The following UNC13C variants were observed in gnomAD, a reference collection of about 807,000 sequenced individuals.
The protein encoded by UNC13C is unc-13 homolog C, also known as protein unc-13 homolog C.
UNC13C carries 174 observed loss-of-function variants against 245.4 expected under a neutral mutation model. The observed-to-expected ratio is 0.71, with a 90% CI of 0.63 to 0.80. The LOEUF is 0.80. UNC13C is among the 30% of genes least tolerant of loss of function. UNC13C has a pLI of 0.00. For synonymous variants in UNC13C, 992 were observed against 895.1 expected (o/e 1.11, Z -1.93); for missense variants, 2,829 against 2,602.9 (o/e 1.09, Z -1.89).
intron 2 of UNC13C, among the ~76,000 whole-genome samples, chr15:54,057,506 A>G (rs1368776765): frequency 6.6e-6 from 1 of 151,798 alleles, no homozygotes; most frequent in Non-Finnish European, 1.5e-5. Context: ...CCACACAATA[A>G]TAATGGGAGA....
the UNC13C span, among the ~76,000 whole-genome samples, chr15:53,944,616 T>C: frequency 5.3e-5 from 8 of 152,226 alleles, no homozygotes; most frequent in Non-Finnish European, 1.2e-4. Context: ...CTGTATAGTA[T>C]ATATGTACCA....
chr15:54,530,694 G>A (rs1895696711), intron 25 of UNC13C, among the ~76,000 whole-genome samples: 1 of 152,120 alleles, frequency 6.6e-6, no homozygotes, highest in Non-Finnish European at 1.5e-5. Context: ...AGAGAGCCAT[G>A]AGAATTTCCT....
chr15:54,391,089 T>C (rs2140913731), intron 17 of UNC13C, among the ~76,000 whole-genome samples: 1 of 152,246 alleles, frequency 6.6e-6, no homozygotes, highest in African/African-American at 2.4e-5. Context: ...TTTCAACTAC[T>C]TCTGTCTCTC....
At chr15:54,128,432 T>C (rs898517345) in intron 2 of UNC13C, among the ~76,000 whole-genome samples, 1 of 152,230 alleles carries the variant, frequency 6.6e-6, no homozygotes, top group Non-Finnish European at 1.5e-5. Context: ...AAGTGTTTTG[T>C]TTTAGCGGCA....
chr15:54,622,190 A>G, intron 30 of UNC13C, 137 bp from the exon 31 acceptor site: 1 of 607,730 alleles, frequency 1.6e-6, no homozygotes, highest in Non-Finnish European at 3.0e-6. Flanking sequence ...AATATTTATC[A>G]TCACCTATTA....
At chr15:54,574,658 A>T (rs902872493) in intron 30 of UNC13C, among the ~76,000 whole-genome samples, 1 of 152,194 alleles carries the variant, frequency 6.6e-6, no homozygotes, top group Non-Finnish European at 1.5e-5. Context: ...TTTTATATAG[A>T]AGTTACAACA....
At chr15:53,925,625 A>G in the UNC13C span, among the ~76,000 whole-genome samples, 1 of 152,184 alleles carries the variant, frequency 6.6e-6, no homozygotes, top group African/African-American at 2.4e-5. Context: ...TCTTTTGTTT[A>G]CATTTTAAAG....
the UNC13C span, among the ~76,000 whole-genome samples, chr15:53,965,450 C>A: frequency 6.6e-6 from 1 of 151,912 alleles, no homozygotes; most frequent in Admixed American, 6.6e-5. Flanking sequence ...AATTATCTCA[C>A]AAAGAGCTCT....
At chr15:53,854,269 C>T in the UNC13C span, among the ~76,000 whole-genome samples, 1 of 151,820 alleles carries the variant, frequency 6.6e-6, no homozygotes, top group African/African-American at 2.4e-5. Flanking sequence ...TACAGGCACA[C>T]ACCACCATGC....
intron 17 of UNC13C, among the ~76,000 whole-genome samples, chr15:54,365,505 CAT>C (rs2039343950): frequency 6.6e-6 from 1 of 152,128 alleles, no homozygotes; most frequent in Non-Finnish European, 1.5e-5. Context: ...AGGCCATAAA[CAT>C]ATCTATCACC....
intron 2 of UNC13C, among the ~76,000 whole-genome samples, chr15:54,088,354 C>A (rs8035103): frequency 1.2e-4 from 18 of 151,910 alleles, no homozygotes; most frequent in African/African-American, 4.4e-4. Flanking sequence ...TCAGTCTTGG[C>A]CTCTTAGGAA....
intron 13 of UNC13C, among the ~76,000 whole-genome samples, chr15:54,317,397 A>G (rs1380568790): frequency 1.3e-5 from 2 of 151,926 alleles, no homozygotes; most frequent in African/African-American, 4.8e-5. Flanking sequence ...TGATCATGAA[A>G]CACTGCTCTG....
chr15:53,910,445 T>A, the UNC13C span, among the ~76,000 whole-genome samples: 1 of 146,472 alleles, frequency 6.8e-6, no homozygotes, highest in Admixed American at 7.0e-5. Flanking sequence ...GAGCCACTAT[T>A]GCTGTAAAAG....
intron 30 of UNC13C, among the ~76,000 whole-genome samples, chr15:54,589,228 A>T (rs1399803826): frequency 6.8e-6 from 1 of 148,088 alleles, no homozygotes; most frequent in African/African-American, 2.5e-5. Context: ...TTCGTTGATC[A>T]TTAGTAATGT....
the UNC13C span, among the ~76,000 whole-genome samples, chr15:53,852,209 C>T: frequency 1.3e-3 from 200 of 152,242 alleles, no homozygotes; most frequent in Non-Finnish European, 2.5e-3. Context: ...TGGGGTCTGA[C>T]GCTTGGTGTG....
At position 54,393,173 on chromosome 15, in the gene UNC13C, C is replaced by T; in HGVS notation, c.4839C>T (p.Val1613=). Residue 1613 remains valine, a synonymous_variant, in exon 18 of 33, where the codon GTC becomes GTT. Coordinates refer to ENST00000260323, the MANE Select transcript of UNC13C (RefSeq NM_001080534.3). ...IDEDKTAYTP[V]LNQFPQELNM... ...AGGATAAAACTGCCTACACACCTGT[C>T]CTGAATCAGTAAGTACAATGTTTTG... The T allele has an allele frequency of 1.3e-6, 2 of 1,582,482 alleles. No individual in the cohort carries two copies. Among genetic ancestry groups the T allele is most frequent in the South Asian group, 2.3e-5 (2 of 85,234 alleles).
At chr15:54,220,537 G>T (rs1433567805) in intron 4 of UNC13C, among the ~76,000 whole-genome samples, 1 of 151,340 alleles carries the variant, frequency 6.6e-6, no homozygotes, top group Non-Finnish European at 1.5e-5. Context: ...CATGGCACAT[G>T]TATACATATG....
At chr15:54,242,730 T>C (rs2035886927) in intron 7 of UNC13C, among the ~76,000 whole-genome samples, 1 of 152,218 alleles carries the variant, frequency 6.6e-6, no homozygotes, top group South Asian at 2.1e-4. Flanking sequence ...CACAAAGTAA[T>C]ATTTACAACA....
intron 2 of UNC13C, among the ~76,000 whole-genome samples, chr15:54,058,826 T>C (rs1897663249): frequency 6.6e-6 from 1 of 152,178 alleles, no homozygotes; most frequent in African/African-American, 2.4e-5. Flanking sequence ...TCAATAAACG[T>C]AATCCAGCAT....
Sources: allele counts gnomAD v4.1 joint callset (sites outside exome capture counted in the v4.1 genomes callset), GRCh38; gene constraint gnomAD v4.1.1; transcripts MANE v1.5; gene names NCBI Gene and HGNC (gene_info 2026-07-23, HGNC 2026-07-21).